The following XYLB variants were observed in gnomAD, a reference collection of about 807,000 sequenced individuals.
XYLB encodes the protein xylulose kinase.
In XYLB, 62 loss-of-function variants were observed where a neutral mutation model predicts 78.7. The ratio of observed to expected loss-of-function variants is 0.79; its 90% CI spans 0.64 to 0.97. The LOEUF is 0.97. Ranked by LOEUF, XYLB falls within the 50% of genes least tolerant of loss-of-function variation. XYLB has a pLI of 0.00. For synonymous variants in XYLB, 245 were observed against 247.4 expected, an observed-to-expected ratio of 0.99 and a Z score of 0.09; for missense variants, 687 against 676.8, an observed-to-expected ratio of 1.02 and a Z score of -0.17.
At chr3:38,349,423 G>A (rs919534071) in intron 2 of XYLB, among the ~76,000 whole-genome samples, 2 of 152,230 alleles carry the variant, frequency 1.3e-5, no homozygotes, top group African/African-American at 2.4e-5. Flanking sequence ...CTCTCTGGGG[G>A]CATTGGGAGA....
intron 15 of XYLB, among the ~76,000 whole-genome samples, chr3:38,388,232 T>C (rs952186155): frequency 5.3e-5 from 8 of 150,784 alleles, no homozygotes; most frequent in Admixed American, 2.7e-4. Context: ...ATGTATATAG[T>C]AAAAAAGCTG....
At position 38,362,972 on chromosome 3, in the gene XYLB, G is replaced by A. The variant is rs775760954; in HGVS notation, c.246G>A (p.Ser82=). The stretch of plus-strand genomic sequence containing the variant: ...TCATCTTGGAGAAGATGAAGGCTTC[G>A]GGCTTCGACTTCTCTCAAGTCCTAG... ...LDIILEKMKA[S]GFDFSQVLAL... The change falls in exon 4 of 19, where the codon TCG becomes TCA. Residue 82 remains serine (S), a synonymous_variant. Coordinates refer to ENST00000207870, the MANE Select transcript of XYLB (RefSeq NM_005108.4). 1.9e-6 allele frequency: 3 copies of A among 1,585,382 alleles called. No homozygotes were observed. The highest frequency in any genetic ancestry group is 2.7e-5 in the African/African-American group (2 of 73,962).
chr3:38,389,984 G>A (rs1707581396), intron 15 of XYLB, among the ~76,000 whole-genome samples: 2 of 152,120 alleles, frequency 1.3e-5, no homozygotes, highest in Admixed American at 1.3e-4. Context: ...GTATGAATCA[G>A]CACTTAAGGG....
the XYLB span, chr3:38,450,887 G>A: frequency 5.9e-5 from 9 of 152,296 alleles, no homozygotes; most frequent in Middle Eastern, 3.4e-3. Context: ...AAAAGTAGTC[G>A]GATGGTGGAT....
At chr3:38,349,148 C>T (rs187166810) in intron 2 of XYLB, among the ~76,000 whole-genome samples, 225 of 152,258 alleles carry the variant, frequency 1.5e-3, no homozygotes, top group African/African-American at 5.2e-3. Context: ...GGAAGTTGGC[C>T]AGGTGATGGA....
downstream of XYLB, among the ~76,000 whole-genome samples, chr3:38,419,518 C>T (rs1249375486): frequency 6.9e-6 from 1 of 144,436 alleles, no homozygotes; most frequent in Admixed American, 7.1e-5. Flanking sequence ...TTACATTCCC[C>T]AGCAGTAATG....
At chr3:38,401,342 A>C (rs1387008986) in intron 18 of XYLB, among the ~76,000 whole-genome samples, 1 of 152,150 alleles carries the variant, frequency 6.6e-6, no homozygotes, top group African/African-American at 2.4e-5. Context: ...TCTAGACCCA[A>C]GATAGCTGTG....
chr3:38,347,199 G>A (rs1705112029), intron 1 of XYLB, among the ~76,000 whole-genome samples: 1 of 152,170 alleles, frequency 6.6e-6, no homozygotes, highest in South Asian at 2.1e-4. Flanking sequence ...GCGCTCCTCG[G>A]CAGGACCCCC....
the XYLB span, among the ~76,000 whole-genome samples, chr3:38,445,693 C>T: frequency 2.0e-5 from 3 of 152,312 alleles, no homozygotes; most frequent in East Asian, 5.8e-4. Flanking sequence ...AAAGTGGAAG[C>T]TGGTTCCAGG....
intron 9 of XYLB, 149 bp downstream of exon 9, chr3:38,370,323 C>T: frequency 1.6e-6 from 1 of 627,170 alleles, no homozygotes; most frequent in South Asian, 1.9e-5. Context: ...GCAGGGTCTT[C>T]AGTTTAGCCT....
the XYLB span, chr3:38,451,263 T>A: frequency 6.6e-6 from 1 of 152,222 alleles, no homozygotes; most frequent in South Asian, 2.1e-4. Flanking sequence ...TGGCTTCAGT[T>A]CTTTGATACT....
chr3:38,433,788 C>T, the XYLB span, among the ~76,000 whole-genome samples: 567 of 152,300 alleles, frequency 3.7e-3, 2 homozygotes, highest in African/African-American at 0.013. Flanking sequence ...CCCACATTTT[C>T]GTGTCTGCAA....
downstream of XYLB, among the ~76,000 whole-genome samples, chr3:38,422,804 GA>G (rs531959691): frequency 1.3e-5 from 2 of 152,010 alleles, no homozygotes; most frequent in Admixed American, 1.3e-4. Flanking sequence ...CATGGGATTA[GA>G]AAAAAATTTA....
In XYLB at chr3:38,414,276, C is replaced by T. The variant is rs1046550940; in HGVS notation, c.*1263C>T. 5.3e-5 allele frequency: 8 copies of T among 152,128 alleles called. No homozygotes were observed. The highest frequency in any genetic ancestry group is 1.0e-4 in the Non-Finnish European group (7 of 68,046). 9.4% of individuals were successfully genotyped at this position (152,128 alleles called of 1,614,324 possible). A position where few individuals can be genotyped will look rare whatever the true frequency, so the allele number is the denominator to read the frequency against. ...CTTAGAAAATGAATGGGACCAAAGG[C>T]ATCACTTCTGATGGAGATGAAGCCA... is the stretch of plus-strand genomic sequence containing the variant. On this transcript the variant is annotated 3_prime_UTR_variant, in exon 19 of 19. Coordinates refer to ENST00000207870, the MANE Select transcript of XYLB (RefSeq NM_005108.4).
exon 18 of XYLB, among the ~76,000 whole-genome samples, chr3:38,420,618 G>A (rs1396081018): frequency 1.3e-5 from 2 of 152,128 alleles, no homozygotes; most frequent in Non-Finnish European, 2.9e-5. Flanking sequence ...TTTTCTTTGT[G>A]GAACTTTTAA....
chr3:38,382,495 T>C (rs1356725919), intron 15 of XYLB, among the ~76,000 whole-genome samples: 3 of 152,152 alleles, frequency 2.0e-5, no homozygotes, highest in Admixed American at 2.0e-4. Flanking sequence ...TCAGGATGTG[T>C]GTTCTAGGTC....
At chr3:38,368,110 T>G in intron 7 of XYLB, 75 bp from the exon 8 acceptor site, 1 of 1,428,662 alleles carries the variant, frequency 7.0e-7, no homozygotes, top group Non-Finnish European at 9.9e-7. Flanking sequence ...TTTCATGCTT[T>G]GTGTGTGTCA....
In XYLB at chr3:38,374,381, G is replaced by A. The variant is rs926748687; in HGVS notation, c.848-81G>A. The stretch of plus-strand genomic sequence containing the variant: ...TGGGGGTTGGAGGTGGGGGCTCTGC[G>A]CCTGCCTGGAGAGCCCTGTGGTTTG... On this transcript the variant is annotated intron_variant, in intron 10 of 18. Transcript: ENST00000207870. The A allele has an allele frequency of 2.8e-5, 45 of 1,601,974 alleles. No homozygotes were observed. In the East Asian group the frequency reaches 5.6e-4, roughly 20 times the overall value.
chr3:38,398,901 G>A (rs1192821929), intron 17 of XYLB, among the ~76,000 whole-genome samples: 21 of 150,026 alleles, frequency 1.4e-4, no homozygotes, highest in Non-Finnish European at 2.1e-4. Flanking sequence ...GCATGGTGGC[G>A]CACGCCTGTA....
Sources: allele counts gnomAD v4.1 joint callset (sites outside exome capture counted in the v4.1 genomes callset), GRCh38; gene constraint gnomAD v4.1.1; transcripts MANE v1.5; gene names NCBI Gene and HGNC (gene_info 2026-07-23, HGNC 2026-07-21).